DTNA: variants seen among roughly 807,000 people sequenced by gnomAD.
The protein encoded by DTNA is dystrobrevin alpha.
A neutral mutation model predicts 100.7 loss-of-function variants in DTNA; 43 were observed. The ratio of observed to expected loss-of-function variants is 0.43; its 90% CI spans 0.33 to 0.55. The LOEUF (loss-of-function observed/expected upper bound fraction) is 0.55. DTNA is among the 20% of genes least tolerant of loss of function. DTNA has a pLI of 0.04. For missense variants in DTNA, 798 were observed against 953.9 expected, an observed-to-expected ratio of 0.84 and a Z score of 2.15; for synonymous variants, 349 against 347.9, an observed-to-expected ratio of 1.00 and a Z score of -0.04.
chr18:34,534,282 T>C (rs2043458083), intron 1 of DTNA, among the ~76,000 whole-genome samples: 1 of 152,086 alleles, frequency 6.6e-6, no homozygotes, highest in Admixed American at 6.6e-5. Flanking sequence ...CAACTACTGT[T>C]CTTATATTAT....
chr18:34,790,567 ATTT>A (rs1212453384), intron 3 of DTNA, among the ~76,000 whole-genome samples: 22 of 39,648 alleles, frequency 5.5e-4, no homozygotes, highest in African/African-American at 2.0e-3. Context: ...ATATATATAT[ATTT>A]TTTTTTTTTT....
chr18:34,841,508 CTT>C lies in DTNA; in HGVS notation c.1346+2674_1346+2675del, dbSNP rs3837892. Among the ~76,000 whole-genome samples, 4 of 152,192 alleles carry C rather than the reference CTT, an allele frequency of 2.6e-5. No homozygotes were observed. In the East Asian group the frequency reaches 7.7e-4, roughly 29 times the overall value. ...AGGGCAAGAGTTTTGTCTTCAGTCT[CTT>C]TTATCTTATTACAACAGCTGGAGTA... On this transcript the variant is annotated intron_variant, in intron 13 of 22. Transcript: ENST00000444659.
intron 13 of DTNA, among the ~76,000 whole-genome samples, chr18:34,847,057 C>A (rs1471432909): frequency 6.6e-6 from 1 of 152,280 alleles, no homozygotes; most frequent in East Asian, 1.9e-4. Flanking sequence ...ACCACAATAA[C>A]CAATAAGCCA....
At chr18:34,495,489 A>G (rs1046611055) in intron 1 of DTNA, among the ~76,000 whole-genome samples, 1 of 152,222 alleles carries the variant, frequency 6.6e-6, no homozygotes, top group African/African-American at 2.4e-5. Context: ...ATAGGTTATT[A>G]GTCTGTTCTT....
At chr18:34,711,050 A>G (rs1034893000) in intron 1 of DTNA, among the ~76,000 whole-genome samples, 3 of 152,140 alleles carry the variant, frequency 2.0e-5, no homozygotes, top group Non-Finnish European at 4.4e-5. Flanking sequence ...TCTTTTAGGC[A>G]TTGTGGCTGT....
chr18:34,515,803 A>G (rs977537317), intron 1 of DTNA, among the ~76,000 whole-genome samples: 2 of 152,000 alleles, frequency 1.3e-5, no homozygotes, highest in East Asian at 1.9e-4. Context: ...TCCCAGTGAT[A>G]TTTTTCATAT....
At chr18:34,585,558 C>T (rs2049043635) in intron 1 of DTNA, among the ~76,000 whole-genome samples, 1 of 151,910 alleles carries the variant, frequency 6.6e-6, no homozygotes, top group South Asian at 2.1e-4. Context: ...CATGTGTGTG[C>T]TCATGTGTGT....
chr18:34,728,132 A>T (rs1223891070), intron 1 of DTNA, among the ~76,000 whole-genome samples: 1 of 152,190 alleles, frequency 6.6e-6, no homozygotes, highest in South Asian at 2.1e-4. Context: ...GAAATTGCAT[A>T]CTCAATGTGA....
intron 1 of DTNA, among the ~76,000 whole-genome samples, chr18:34,572,394 A>G (rs1400297664): frequency 6.6e-6 from 1 of 152,212 alleles, no homozygotes. Context: ...TGAGCTTGCT[A>G]TGTGCTAACC....
At chr18:34,639,166 A>G (rs2058986368) in intron 1 of DTNA, among the ~76,000 whole-genome samples, 1 of 152,134 alleles carries the variant, frequency 6.6e-6, no homozygotes, top group Non-Finnish European at 1.5e-5. Flanking sequence ...GGTACTACTG[A>G]TACACCTTAG....
Position 34,566,526 on chromosome 18 carries a change from A to C in DTNA, c.-2+73012A>C, listed in dbSNP as rs113739001. ...ATGTTTCAGAGAAAGTTCTTCAAAA[A>C]TTCTGTGTGAGGACACATGTCTGTG... On this transcript the variant is annotated intron_variant, in intron 1 of 19. Coordinates refer to the DTNA transcript ENST00000283365. Among the ~76,000 whole-genome samples the C allele has an allele frequency of 1.4e-4, 22 of 152,350 alleles. 2 individuals are homozygous for C. The South Asian group carries it at 4.6e-3, about 32-fold the overall frequency.
At chr18:34,840,274 C>G (rs1360518374) in intron 13 of DTNA, among the ~76,000 whole-genome samples, 2 of 152,096 alleles carry the variant, frequency 1.3e-5, no homozygotes, top group African/African-American at 4.8e-5. Flanking sequence ...TAAATAGTAT[C>G]CACTTTTTCA....
At chr18:34,545,011 A>G (rs1270302555) in intron 1 of DTNA, among the ~76,000 whole-genome samples, 1 of 152,138 alleles carries the variant, frequency 6.6e-6, no homozygotes, top group Non-Finnish European at 1.5e-5. Flanking sequence ...AAAGGTAGCT[A>G]TCCTTGTCCA....
chr18:34,787,640 G>A (rs2094554508), intron 3 of DTNA, among the ~76,000 whole-genome samples: 3 of 152,074 alleles, frequency 2.0e-5, no homozygotes, highest in African/African-American at 7.2e-5. Flanking sequence ...AGTCATCTCT[G>A]TGAATGAAGG....
chr18:34,594,570 C>G (rs2050204411), intron 1 of DTNA, among the ~76,000 whole-genome samples: 1 of 152,180 alleles, frequency 6.6e-6, no homozygotes, highest in Admixed American at 6.5e-5. Context: ...AGACCAGATT[C>G]TAATGAACTA....
At chr18:34,698,357 C>G (rs1311918522) in intron 1 of DTNA, among the ~76,000 whole-genome samples, 2 of 152,202 alleles carry the variant, frequency 1.3e-5, no homozygotes, top group South Asian at 2.1e-4. Context: ...CTGGCAGGGC[C>G]ATTCTCCCTA....
intron 1 of DTNA, among the ~76,000 whole-genome samples, chr18:34,505,718 A>G (rs968830616): frequency 6.6e-6 from 1 of 151,698 alleles, no homozygotes; most frequent in African/African-American, 2.4e-5. Context: ...CCAAAGTTTT[A>G]TATTTTTTTA....
intron 7 of DTNA, 145 bp downstream of exon 7, chr18:34,816,159 C>T (rs910638766): frequency 2.8e-5 from 22 of 777,862 alleles, no homozygotes; most frequent in Middle Eastern, 3.6e-4. Context: ...TAACCCATCT[C>T]CCTGTTCGGG....
intron 3 of DTNA, among the ~76,000 whole-genome samples, chr18:34,778,067 C>T (rs2094144948): frequency 6.6e-6 from 1 of 152,076 alleles, no homozygotes; most frequent in Non-Finnish European, 1.5e-5. Context: ...AGAGAAAGCC[C>T]TATGGATTTG....
Sources: allele counts gnomAD v4.1 joint callset (sites outside exome capture counted in the v4.1 genomes callset), GRCh38; gene constraint gnomAD v4.1.1; transcripts MANE v1.5; gene names NCBI Gene and HGNC (gene_info 2026-07-23, HGNC 2026-07-21).